PBRM1: variants seen among roughly 807,000 people sequenced by gnomAD.
PBRM1 encodes polybromo 1, also known as protein polybromo-1.
In PBRM1, 27 loss-of-function variants were observed where a neutral mutation model predicts 194.5. The ratio of observed to expected loss-of-function variants is 0.14; its 90% confidence interval spans 0.10 to 0.19. The LOEUF (loss-of-function observed/expected upper bound fraction) is 0.19, where lower values mean the gene tolerates loss of function less well. PBRM1 is among the 10% of genes least tolerant of loss of function. The pLI is 1.00. For synonymous variants in PBRM1, 655 were observed against 693.2 expected, an observed-to-expected ratio of 0.94 and a Z score of 0.87; for missense variants, 1,466 against 2,077.2, an observed-to-expected ratio of 0.71 and a Z score of 5.72.
At chr3:52,659,380 T>G (rs972401815) in intron 4 of PBRM1, among the ~76,000 whole-genome samples, 1 of 152,210 alleles carries the variant, frequency 6.6e-6, no homozygotes, top group Non-Finnish European at 1.5e-5. Context: ...TGGTATTGTG[T>G]CCTAATCCAA....
chr3:52,605,558 TA>T (rs2094294258), intron 16 of PBRM1, among the ~76,000 whole-genome samples: 1 of 150,704 alleles, frequency 6.6e-6, no homozygotes, highest in African/African-American at 2.4e-5. Context: ...GACAAACAAT[TA>T]AAAGACACGA....
chr3:52,643,673 T>A, intron 8 of PBRM1, among the ~76,000 whole-genome samples: 1 of 152,092 alleles, frequency 6.6e-6, no homozygotes, highest in Admixed American at 6.5e-5. Context: ...CTAAGACTAG[T>A]TCAAGATCAC....
rs544768177 is a variant in PBRM1, at chr3:52,608,012, C to G, written c.2567+1301G>C. On this transcript the variant is annotated intron_variant, in intron 16 of 29. Transcript: ENST00000296302. The stretch of plus-strand genomic sequence containing the variant: ...CTCTGGCCTATTCATTTGAACCCTA[C>G]CTATCATCCCATGCCTTTTAAGGAG... Among the ~76,000 whole-genome samples the G allele has an allele frequency of 2.0e-4, 30 of 152,338 alleles. 1 individual carries two copies. The highest frequency in any genetic ancestry group is 7.2e-4 in the African/African-American group (30 of 41,588).
At chr3:52,650,819 A>G (rs2096470163) in intron 6 of PBRM1, among the ~76,000 whole-genome samples, 1 of 152,216 alleles carries the variant, frequency 6.6e-6, no homozygotes, top group Non-Finnish European at 1.5e-5. Context: ...AAAAACAACC[A>G]TATCAGTTCT....
chr3:52,563,673 T>C (rs183662544), intron 23 of PBRM1, among the ~76,000 whole-genome samples, 180 bp from the exon 26 acceptor site: 1 of 151,710 alleles, frequency 6.6e-6, no homozygotes, highest in East Asian at 1.9e-4. Flanking sequence ...TAGAGATGCT[T>C]GTTTTTAAAT....
At chr3:52,643,165 T>C (rs2096170635) in intron 9 of PBRM1, 83 bp downstream of exon 10, 1 of 974,244 alleles carries the variant, frequency 1.0e-6, no homozygotes, top group African/African-American at 1.6e-5. Context: ...AAATATTCCT[T>C]CAAGATAGCC....
At chr3:52,651,774 T>C (rs201022657) in exon 6 of PBRM1, 11 of 1,606,064 alleles carry the variant, frequency 6.8e-6, no homozygotes, top group African/African-American at 2.7e-5. Flanking sequence ...TTGAGATCTA[T>C]AGGCTCCTTA....
intron 3 of PBRM1, among the ~76,000 whole-genome samples, chr3:52,662,751 G>A (rs531445054): frequency 5.3e-5 from 8 of 150,810 alleles, no homozygotes; most frequent in Non-Finnish European, 8.8e-5. Context: ...ACTTGAACCA[G>A]AGAGGCAGAG....
exon 11 of PBRM1, chr3:52,634,756 A>C: frequency 1.2e-6 from 2 of 1,614,082 alleles, no homozygotes; most frequent in Non-Finnish European, 1.7e-6. Context: ...AAAGGATTTG[A>C]AACATCCATA....
At chr3:52,632,526 G>A (rs1469924025) in intron 11 of PBRM1, among the ~76,000 whole-genome samples, 2 of 152,124 alleles carry the variant, frequency 1.3e-5, no homozygotes, top group African/African-American at 4.8e-5. Context: ...AGTTGATCAT[G>A]CCAGCTTACG....
At chr3:52,575,026 T>A (rs2088980561) in intron 22 of PBRM1, among the ~76,000 whole-genome samples, 2 of 152,016 alleles carry the variant, frequency 1.3e-5, no homozygotes, top group Admixed American at 6.6e-5. Context: ...CTCAGCCTCC[T>A]GAGTAGCTGG....
intron 17 of PBRM1, among the ~76,000 whole-genome samples, chr3:52,599,469 C>T (rs536897208): frequency 6.6e-6 from 1 of 151,928 alleles, no homozygotes; most frequent in Admixed American, 6.6e-5. Flanking sequence ...TGATAAAATG[C>T]TCAACATAAC....
At chr3:52,631,656 A>T (rs1041968014) in intron 11 of PBRM1, among the ~76,000 whole-genome samples, 1 of 152,100 alleles carries the variant, frequency 6.6e-6, no homozygotes, top group African/African-American at 2.4e-5. Context: ...AGCCTCCCAA[A>T]GTGCTGGGAT....
chr3:52,645,796 G>C lies in PBRM1; in HGVS notation c.814-1007C>G, dbSNP rs1237788246. ...CAGATAGGACAGAAGTGGATGGCAT[G>C]AATTTCATCACAATACTCAGAATGG... On this transcript the variant is annotated intron_variant, in intron 7 of 29. Coordinates refer to ENST00000296302, the Ensembl canonical transcript of PBRM1. 6.6e-5 allele frequency among the ~76,000 whole-genome samples: 10 copies of C among 152,108 alleles called. No individual in the cohort carries two copies. The East Asian group carries it at 1.9e-3, about 29-fold the overall frequency.
At chr3:52,642,775 C>T (rs369595250) in intron 9 of PBRM1, among the ~76,000 whole-genome samples, 1 of 151,476 alleles carries the variant, frequency 6.6e-6, no homozygotes, top group Non-Finnish European at 1.5e-5. Flanking sequence ...ATAAGGCCTA[C>T]GTTAGTAATT....
intron 2 of PBRM1, among the ~76,000 whole-genome samples, chr3:52,671,060 C>A (rs1246515373): frequency 1.3e-5 from 2 of 152,138 alleles, no homozygotes; most frequent in African/African-American, 4.8e-5. Context: ...AAGGGTGATA[C>A]CACAAAGACC....
chr3:52,668,850 C>T (rs552241692), intron 2 of PBRM1, among the ~76,000 whole-genome samples: 115 of 151,608 alleles, frequency 7.6e-4, no homozygotes, highest in South Asian at 1.7e-3. Flanking sequence ...ACACTCATTC[C>T]CTTTTCAAAA....
Position 52,678,616 on chromosome 3 carries a change from GA to G in PBRM1, c.139-20del, listed in dbSNP as rs759749410. On this transcript the variant is annotated intron_variant, in intron 1 of 29. Coordinates refer to ENST00000296302, the Ensembl canonical transcript of PBRM1. ...CGGCAATCTACACATTAGCAAAGGA[GA>G]AAAAAATCACTAAAAAAGTGAACAG... 5.4e-6 allele frequency: 8 copies of G among 1,494,896 alleles called. No individual in the cohort carries two copies. The highest frequency in any genetic ancestry group is 1.1e-5 in the South Asian group (1 of 87,526). The allele number at this position is 1,494,896 out of a possible 1,614,324, so 92.6% of individuals were successfully genotyped here.
chr3:52,639,196 G>A (rs987164873), intron 10 of PBRM1, among the ~76,000 whole-genome samples: 1 of 151,984 alleles, frequency 6.6e-6, no homozygotes, highest in African/African-American at 2.4e-5. Context: ...GGATGGTCTC[G>A]AACTCCCAAC....
Sources: gnomAD v4.1 joint callset for allele counts (sites outside exome capture counted in the v4.1 genomes callset) on GRCh38, gnomAD v4.1.1 for gene constraint, MANE v1.5 for transcripts, NCBI Gene and HGNC (gene_info 2026-07-23, HGNC 2026-07-21) for gene names.